Variants in TNR observed in about 807,000 individuals in gnomAD.
TNR encodes tenascin R.
Under a neutral mutation model 150.4 loss-of-function variants are expected in TNR, and 45 were observed. That is an observed-to-expected ratio of 0.30 (90% CI 0.24 to 0.38). The LOEUF (loss-of-function observed/expected upper bound fraction) is 0.38, where lower values mean the gene tolerates loss of function less well. Among genes scored for constraint, TNR ranks in the 10% least tolerant of loss-of-function variants. The probability of loss-of-function intolerance (pLI) is 1.00; values close to 1 mark genes in which losing one functional copy is unlikely to be tolerated. For synonymous variants in TNR, 687 were observed against 678.4 expected (o/e 1.01, Z -0.20); for missense variants, 1,544 against 1,759.1 (o/e 0.88, Z 2.19).
rs752107346 is a variant in TNR at position 175,316,567 on chromosome 1, T to C, written c.*6790A>G. 4 of 152,214 alleles carry C rather than the reference T, an allele frequency of 2.6e-5. No homozygotes were observed. Among genetic ancestry groups the C allele is most frequent in the Non-Finnish European group, 4.4e-5 (3 of 68,066 alleles). 9.4% of individuals were successfully genotyped at this position (152,214 alleles called of 1,614,324 possible). On this transcript the variant is annotated 3_prime_UTR_variant, in exon 23 of 23. Coordinates refer to ENST00000367674, the MANE Select transcript of TNR (RefSeq NM_003285.3). ...GAGTAAAATTGATGCTCTGAGAACA[T>C]GTGCCATGTTTATTCTGTGGCTTCT... is the stretch of plus-strand genomic sequence containing the variant.
At chr1:175,652,234 T>C (rs1665023217) in intron 1 of TNR, among the ~76,000 whole-genome samples, 1 of 149,918 alleles carries the variant, frequency 6.7e-6, no homozygotes, top group Admixed American at 6.7e-5. Context: ...TATATGAACA[T>C]ATTTGTCACC....
At chr1:175,449,700 G>A (rs1447288348) in intron 2 of TNR, among the ~76,000 whole-genome samples, 1 of 152,198 alleles carries the variant, frequency 6.6e-6, no homozygotes, top group African/African-American at 2.4e-5. Context: ...GATCCCATGG[G>A]ATGGTTAGCA....
At chr1:175,433,339 C>T (rs1020896833) in intron 2 of TNR, among the ~76,000 whole-genome samples, 7 of 152,218 alleles carry the variant, frequency 4.6e-5, no homozygotes, top group African/African-American at 1.2e-4. Context: ...ATCCCCTCTT[C>T]GGTCTTCACT....
chr1:175,701,101 T>C (rs1247555674), intron 1 of TNR, among the ~76,000 whole-genome samples: 1 of 152,234 alleles, frequency 6.6e-6, no homozygotes, highest in African/African-American at 2.4e-5. Context: ...TCTCTGTCTT[T>C]TTATGCCTGC....
intron 1 of TNR, among the ~76,000 whole-genome samples, chr1:175,561,449 T>A (rs1440001433): frequency 6.6e-6 from 1 of 152,210 alleles, no homozygotes; most frequent in Non-Finnish European, 1.5e-5. Flanking sequence ...TCCTTTCTTC[T>A]GTTCCCTTCA....
At chr1:175,469,456 C>T (rs989107984) in intron 2 of TNR, among the ~76,000 whole-genome samples, 11 of 151,992 alleles carry the variant, frequency 7.2e-5, no homozygotes, top group Admixed American at 2.6e-4. Context: ...AGAGAAGGTT[C>T]AGAGAACAAG....
intron 1 of TNR, among the ~76,000 whole-genome samples, chr1:175,661,361 T>C (rs1244981545): frequency 2.0e-5 from 3 of 152,182 alleles, no homozygotes; most frequent in Non-Finnish European, 4.4e-5. Context: ...ATAAAGATAG[T>C]CACTGTTTTA....
intron 1 of TNR, among the ~76,000 whole-genome samples, chr1:175,723,470 G>A (rs1451890051): frequency 6.6e-6 from 1 of 152,204 alleles, no homozygotes; most frequent in Non-Finnish European, 1.5e-5. Flanking sequence ...GAGCAAAAGA[G>A]ACTCTATCCT....
chr1:175,498,748 G>T (rs1354963801), intron 2 of TNR, among the ~76,000 whole-genome samples: 3 of 152,202 alleles, frequency 2.0e-5, no homozygotes, highest in Non-Finnish European at 4.4e-5. Context: ...AGGAGGTGGG[G>T]ATTCAAAACC....
At chr1:175,692,022 T>C (rs1666381336) in intron 1 of TNR, among the ~76,000 whole-genome samples, 2 of 152,274 alleles carry the variant, frequency 1.3e-5, no homozygotes, top group South Asian at 4.1e-4. Flanking sequence ...TTAAGTTCAA[T>C]TTTGCACTTT....
intron 2 of TNR, among the ~76,000 whole-genome samples, chr1:175,435,427 C>T (rs527406987): frequency 2.9e-4 from 44 of 152,124 alleles, no homozygotes; most frequent in Non-Finnish European, 5.0e-4. Flanking sequence ...GGAAAGACCA[C>T]GGAGGATCAG....
At chr1:175,742,396 C>T (rs1365552709) in intron 1 of TNR, among the ~76,000 whole-genome samples, 1 of 152,154 alleles carries the variant, frequency 6.6e-6, no homozygotes, top group Non-Finnish European at 1.5e-5. Flanking sequence ...CCAAATGCCC[C>T]AGAAAACAGG....
At chr1:175,683,052 C>T (rs1666086277) in intron 1 of TNR, among the ~76,000 whole-genome samples, 1 of 152,170 alleles carries the variant, frequency 6.6e-6, no homozygotes, top group Non-Finnish European at 1.5e-5. Context: ...TTGGCACCAA[C>T]TTGACTGTAG....
chr1:175,452,677 T>C (rs1656380215), intron 2 of TNR, among the ~76,000 whole-genome samples: 3 of 152,178 alleles, frequency 2.0e-5, no homozygotes, highest in African/African-American at 7.2e-5. Context: ...GTTTAAATTG[T>C]GAAGTTTGGA....
At chr1:175,419,214 C>A (rs1654640966) in intron 2 of TNR, among the ~76,000 whole-genome samples, 1 of 151,972 alleles carries the variant, frequency 6.6e-6, no homozygotes, top group African/African-American at 2.4e-5. Context: ...AAAGGGGTGC[C>A]AATGGAATTC....
intron 1 of TNR, among the ~76,000 whole-genome samples, chr1:175,559,918 TC>T (rs1205000706): frequency 1.3e-5 from 2 of 152,206 alleles, no homozygotes; most frequent in South Asian, 2.1e-4. Flanking sequence ...ATTGTATTTG[TC>T]CTCCCTGGAG....
intron 18 of TNR, among the ~76,000 whole-genome samples, chr1:175,338,698 G>A (rs865879611): frequency 6.6e-6 from 1 of 152,258 alleles, no homozygotes; most frequent in Non-Finnish European, 1.5e-5. Context: ...TGGCAGAACC[G>A]GTGCACTACA....
At chr1:175,395,001 C>T (rs146597047) in intron 5 of TNR, among the ~76,000 whole-genome samples, 1 of 152,212 alleles carries the variant, frequency 6.6e-6, no homozygotes, top group East Asian at 1.9e-4. Context: ...TGGTGACCTG[C>T]CTCTCTGCAC....
At chr1:175,415,145 CTTTTT>C (rs35109798) in intron 2 of TNR, among the ~76,000 whole-genome samples, 5 of 137,102 alleles carry the variant, frequency 3.6e-5, no homozygotes, top group African/African-American at 1.3e-4. Context: ...TTTTTTTGTG[CTTTTT>C]TTTTTTTTTT....
Sources: gnomAD v4.1 joint callset for allele counts (sites outside exome capture counted in the v4.1 genomes callset) on GRCh38, gnomAD v4.1.1 for gene constraint, MANE v1.5 for transcripts, NCBI Gene and HGNC (gene_info 2026-07-23, HGNC 2026-07-21) for gene names.